Variants in SMYD3 observed in about 807,000 individuals in gnomAD.
The protein encoded by SMYD3 is histone-lysine N-methyltransferase SMYD3.
Under a neutral mutation model 57.7 loss-of-function variants are expected in SMYD3, and 36 were observed. The observed-to-expected ratio is 0.62, with a 90% CI of 0.48 to 0.82. SMYD3 has a LOEUF of 0.82. SMYD3 is among the 40% of genes least tolerant of loss of function. The probability of loss-of-function intolerance (pLI) is 0.00; values close to 1 mark genes in which losing one functional copy is unlikely to be tolerated. For missense variants in SMYD3, 515 were observed against 538.8 expected, an observed-to-expected ratio of 0.96 and a Z score of 0.44; for synonymous variants, 211 against 195.0, an observed-to-expected ratio of 1.08 and a Z score of -0.68.
intron 8 of SMYD3, among the ~76,000 whole-genome samples, chr1:245,873,617 A>T (rs895958479): frequency 6.6e-6 from 1 of 152,272 alleles, no homozygotes; most frequent in Non-Finnish European, 1.5e-5. Flanking sequence ...TTCTTTGAGG[A>T]CAGATGCTCT....
intron 1 of SMYD3, among the ~76,000 whole-genome samples, chr1:246,487,843 C>G (rs927839937): frequency 6.6e-6 from 1 of 152,078 alleles, no homozygotes; most frequent in Admixed American, 6.5e-5. Flanking sequence ...TACAGGCATG[C>G]ACCACCAAGC....
At chr1:246,178,414 T>G (rs2062470659) in intron 5 of SMYD3, among the ~76,000 whole-genome samples, 1 of 152,156 alleles carries the variant, frequency 6.6e-6, no homozygotes, top group Non-Finnish European at 1.5e-5. Flanking sequence ...CGGGAGTCAT[T>G]TACATACAGT....
At chr1:245,996,924 C>T (rs189194368) in intron 5 of SMYD3, among the ~76,000 whole-genome samples, 94 of 152,328 alleles carry the variant, frequency 6.2e-4, no homozygotes, top group Non-Finnish European at 1.0e-3. Context: ...ATGAAGAAGT[C>T]GGCCCCAGAA....
intron 5 of SMYD3, among the ~76,000 whole-genome samples, chr1:246,147,025 C>A (rs1211301076): frequency 2.0e-5 from 3 of 152,080 alleles, no homozygotes; most frequent in Non-Finnish European, 4.4e-5. Context: ...ACAATCTGTT[C>A]GAGAATAATT....
At chr1:245,870,270 C>T (rs1188688892) in intron 8 of SMYD3, among the ~76,000 whole-genome samples, 2 of 152,146 alleles carry the variant, frequency 1.3e-5, no homozygotes, top group Non-Finnish European at 2.9e-5. Context: ...CAGATACGTT[C>T]CCACCGCAGC....
chr1:245,874,668 T>C (rs1047414254), intron 8 of SMYD3, among the ~76,000 whole-genome samples: 1 of 152,208 alleles, frequency 6.6e-6, no homozygotes, highest in African/African-American at 2.4e-5. Context: ...AACATGTCGC[T>C]GTTCGAGGGA....
At chr1:246,180,175 A>G (rs1470344976) in intron 5 of SMYD3, among the ~76,000 whole-genome samples, 1 of 148,524 alleles carries the variant, frequency 6.7e-6, no homozygotes, top group African/African-American at 2.5e-5. Flanking sequence ...TAGAAAATAT[A>G]TATCTACATA....
chr1:246,171,265 CAATT>C (rs1458832739), intron 5 of SMYD3, among the ~76,000 whole-genome samples: 2 of 152,128 alleles, frequency 1.3e-5, no homozygotes, highest in African/African-American at 4.8e-5. Context: ...TTTATCCTAT[CAATT>C]GTTTTTTATC....
chr1:245,751,873 C>T (rs764655838), intron 11 of SMYD3, among the ~76,000 whole-genome samples: 10 of 152,202 alleles, frequency 6.6e-5, no homozygotes, highest in Non-Finnish European at 1.2e-4. Context: ...GGGGGCTGTC[C>T]GGAGTGCAGG....
intron 5 of SMYD3, chr1:245,955,883 T>G (rs1366046377): frequency 4.2e-6 from 4 of 956,676 alleles, no homozygotes; most frequent in Non-Finnish European, 5.0e-6. Flanking sequence ...TGGGTTTTTT[T>G]TTTTTTTGGC....
In SMYD3 at chr1:246,207,441, C is replaced by G. The variant is rs185317103; in HGVS notation, c.531+119760G>C. On this transcript the variant is annotated intron_variant, in intron 5 of 11. Coordinates refer to ENST00000490107, the MANE Select transcript of SMYD3 (RefSeq NM_001167740.2). ...TTAGCGCTCCAAGATGGAACTGGTA[C>G]GTGTCATCTTATTTCCATCTAAATA... 1.1e-4 allele frequency among the ~76,000 whole-genome samples: 16 copies of G among 152,134 alleles called. No individual in the cohort carries two copies. In the South Asian group the frequency reaches 3.3e-3, roughly 32 times the overall value.
intron 10 of SMYD3, among the ~76,000 whole-genome samples, chr1:245,843,101 G>C (rs1482206386): frequency 6.6e-6 from 1 of 152,044 alleles, no homozygotes; most frequent in African/African-American, 2.4e-5. Flanking sequence ...ATGTTCTTTG[G>C]GTCTGAGAAA....
intron 5 of SMYD3, among the ~76,000 whole-genome samples, chr1:246,277,953 A>G (rs904161630): frequency 6.6e-6 from 1 of 152,242 alleles, no homozygotes; most frequent in African/African-American, 2.4e-5. Flanking sequence ...TAATCATCGT[A>G]TATTATATTC....
At chr1:246,088,240 T>G (rs531118193) in intron 5 of SMYD3, among the ~76,000 whole-genome samples, 1 of 152,070 alleles carries the variant, frequency 6.6e-6, no homozygotes, top group African/African-American at 2.4e-5. Context: ...TCTCTCTCTC[T>G]TTCTCTCTCT....
Position 245,913,777 on chromosome 1 carries a change from C to T in SMYD3, c.813+1753G>A, listed in dbSNP as rs1431680032. On this transcript the variant is annotated intron_variant, in intron 8 of 11. Coordinates refer to ENST00000490107, the MANE Select transcript of SMYD3 (RefSeq NM_001167740.2). Reference sequence around the variant, plus strand: ...ACAAGGAACTCAAACAACTCAACAGCAAAAATATCACAAATATTCCAATTC... The same window carrying T: ...ACAAGGAACTCAAACAACTCAACAGTAAAAATATCACAAATATTCCAATTC... Among the ~76,000 whole-genome samples, 6 of 151,908 alleles carry T rather than the reference C, an allele frequency of 3.9e-5. No individual in the cohort carries two copies. In the East Asian group the frequency reaches 1.2e-3, roughly 29 times the overall value.
chr1:246,438,191 G>A (rs1356483716), intron 1 of SMYD3, among the ~76,000 whole-genome samples: 1 of 152,154 alleles, frequency 6.6e-6, no homozygotes, highest in Admixed American at 6.5e-5. Flanking sequence ...ACAGCATACT[G>A]ATTCTGGCAA....
chr1:245,841,539 C>T (rs2050401036), intron 10 of SMYD3, among the ~76,000 whole-genome samples: 1 of 152,080 alleles, frequency 6.6e-6, no homozygotes, highest in Non-Finnish European at 1.5e-5. Flanking sequence ...TTTAAATTAA[C>T]TTAGATCTAA....
At chr1:245,840,991 C>T (rs1038842178) in intron 10 of SMYD3, among the ~76,000 whole-genome samples, 3 of 152,282 alleles carry the variant, frequency 2.0e-5, no homozygotes, top group South Asian at 2.1e-4. Flanking sequence ...TTTCACAGAC[C>T]GTGAGTTGTC....
chr1:246,016,267 G>A (rs374830180), intron 5 of SMYD3, among the ~76,000 whole-genome samples: 2 of 151,814 alleles, frequency 1.3e-5, no homozygotes, highest in East Asian at 3.9e-4. Context: ...AATAGTAAAA[G>A]GGAAAGGAAA....
Sources: allele counts gnomAD v4.1 joint callset (sites outside exome capture counted in the v4.1 genomes callset), GRCh38; gene constraint gnomAD v4.1.1; transcripts MANE v1.5; gene names NCBI Gene and HGNC (gene_info 2026-07-23, HGNC 2026-07-21).